PRKD1: variants seen among roughly 807,000 people sequenced by gnomAD.
The protein encoded by PRKD1 is protein kinase D1, also known as serine/threonine-protein kinase D1.
PRKD1 carries 63 observed loss-of-function variants against 95.9 expected under a neutral mutation model. The ratio of observed to expected loss-of-function variants is 0.66; its 90% CI spans 0.54 to 0.81. PRKD1 has a LOEUF of 0.81. Among genes scored for constraint, PRKD1 ranks in the 30% least tolerant of loss-of-function variants. PRKD1 has a pLI of 0.00. For synonymous variants in PRKD1, 425 were observed against 423.1 expected, an observed-to-expected ratio of 1.00 and a Z score of -0.05; for missense variants, 1,048 against 1,165.3, an observed-to-expected ratio of 0.90 and a Z score of 1.47.
At chr14:29,692,561 A>T (rs915232227) in intron 2 of PRKD1, among the ~76,000 whole-genome samples, 13 of 152,084 alleles carry the variant, frequency 8.5e-5, no homozygotes, top group African/African-American at 3.1e-4. Flanking sequence ...CAGAAAGAGG[A>T]ATGTAAAACT....
chr14:29,722,635 G>C (rs1178323507), intron 2 of PRKD1, among the ~76,000 whole-genome samples: 1 of 152,136 alleles, frequency 6.6e-6, no homozygotes, highest in Admixed American at 6.5e-5. Flanking sequence ...ATAACAAAAG[G>C]ATGAGGTGGG....
intron 1 of PRKD1, among the ~76,000 whole-genome samples, chr14:29,726,337 T>C (rs1886140177): frequency 6.6e-6 from 1 of 152,152 alleles, no homozygotes; most frequent in Non-Finnish European, 1.5e-5. Flanking sequence ...ATGGAGGGTT[T>C]CTGTTAAAGC....
intron 1 of PRKD1, among the ~76,000 whole-genome samples, chr14:29,818,048 AT>A (rs1254871553): frequency 1.3e-5 from 2 of 152,216 alleles, no homozygotes; most frequent in Non-Finnish European, 2.9e-5. Context: ...ATTTGACAGT[AT>A]TTCTTCTACC....
chr14:29,785,991 GTTCT>G (rs1889258319), intron 1 of PRKD1, among the ~76,000 whole-genome samples: 1 of 150,392 alleles, frequency 6.6e-6, no homozygotes, highest in South Asian at 2.1e-4. Flanking sequence ...TGTCATATTT[GTTCT>G]TTATTATGTT....
intron 13 of PRKD1, among the ~76,000 whole-genome samples, chr14:29,609,570 T>G (rs1246319901): frequency 6.6e-6 from 1 of 150,612 alleles, no homozygotes; most frequent in Non-Finnish European, 1.5e-5. Context: ...AGACAGAGTC[T>G]TGCTCTGTCA....
chr14:29,709,137 G>A (rs1167149622), intron 2 of PRKD1, among the ~76,000 whole-genome samples: 1 of 152,000 alleles, frequency 6.6e-6, no homozygotes, highest in Non-Finnish European at 1.5e-5. Context: ...GATTAGTTAT[G>A]GAATAAAGTT....
At chr14:29,665,071 G>C (rs980421402) in intron 3 of PRKD1, among the ~76,000 whole-genome samples, 1 of 152,088 alleles carries the variant, frequency 6.6e-6, no homozygotes, top group African/African-American at 2.4e-5. Flanking sequence ...GGGTTCCCAG[G>C]TCAGACCAAC....
chr14:29,596,548 G>A (rs550344255), intron 16 of PRKD1, among the ~76,000 whole-genome samples: 1 of 152,202 alleles, frequency 6.6e-6, no homozygotes, highest in African/African-American at 2.4e-5. Context: ...GCACCTCCCT[G>A]GTTCAAGCGC....
Position 29,680,486 on chromosome 14 carries a change from T to C in PRKD1, c.404-14278A>G, listed in dbSNP as rs537737357. On this transcript the variant is annotated intron_variant, in intron 2 of 17. Coordinates refer to ENST00000331968, the MANE Select transcript of PRKD1 (RefSeq NM_002742.3). ...AGAAAGAAAAAAACCTACAACGCAC[T>C]ATTATGAAGTACAGAAAGGCAAATA... is the stretch of plus-strand genomic sequence containing the variant. 7.6e-4 allele frequency among the ~76,000 whole-genome samples: 116 copies of C among 152,306 alleles called. 1 individual carries two copies. The South Asian group carries it at 0.024, about 31-fold the overall frequency.
intron 2 of PRKD1, among the ~76,000 whole-genome samples, chr14:29,703,076 G>T (rs1286474798): frequency 6.6e-6 from 1 of 152,042 alleles, no homozygotes; most frequent in Non-Finnish European, 1.5e-5. Context: ...TCAAATCTGT[G>T]ATTTTTTTTC....
chr14:29,927,573 A>G lies in PRKD1; in HGVS notation c.-61T>C, dbSNP rs1299333147. ...GGGGGCTGGCGGCGCGGCAGCAGGA[A>G]AGTTTTGCAGCCGCTGAGCCAGGAG... On this transcript the variant is annotated 5_prime_UTR_variant, in exon 1 of 18. Coordinates refer to ENST00000331968, the MANE Select transcript of PRKD1 (RefSeq NM_002742.3). The G allele has an allele frequency of 4.5e-6, 5 of 1,102,384 alleles. No individual in the cohort carries two copies. In the African/African-American group the frequency reaches 8.3e-5, roughly 18 times the overall value. 68.3% of individuals were successfully genotyped at this position (1,102,384 alleles called of 1,614,324 possible). A position where few individuals can be genotyped will look rare whatever the true frequency, so the allele number is the denominator to read the frequency against.
intron 1 of PRKD1, among the ~76,000 whole-genome samples, chr14:29,765,139 A>T (rs1408312444): frequency 6.6e-6 from 1 of 152,124 alleles, no homozygotes; most frequent in African/African-American, 2.4e-5. Context: ...TCATTCTAGA[A>T]CTCAACTAAA....
intron 2 of PRKD1, among the ~76,000 whole-genome samples, chr14:29,716,490 T>A (rs1885616625): frequency 6.6e-6 from 1 of 151,902 alleles, no homozygotes; most frequent in African/African-American, 2.4e-5. Flanking sequence ...GCAGGAGAGG[T>A]CAGCCAGACC....
At chr14:29,815,375 C>T (rs557698185) in intron 1 of PRKD1, among the ~76,000 whole-genome samples, 16 of 152,226 alleles carry the variant, frequency 1.1e-4, no homozygotes, top group South Asian at 4.2e-4. Context: ...CCATTCCAGA[C>T]GATCAAAATG....
chr14:29,746,743 G>A (rs1887240769), intron 1 of PRKD1, among the ~76,000 whole-genome samples: 2 of 152,012 alleles, frequency 1.3e-5, no homozygotes, highest in South Asian at 4.1e-4. Flanking sequence ...TTCAGTGAAC[G>A]AATTTTCATT....
At chr14:29,652,346 C>G (rs935305426) in intron 4 of PRKD1, among the ~76,000 whole-genome samples, 4 of 152,136 alleles carry the variant, frequency 2.6e-5, no homozygotes, top group African/African-American at 7.2e-5. Flanking sequence ...GCCACCCCCT[C>G]CCAGCAGGGT....
At chr14:29,635,522 C>G (rs1473400412) in intron 7 of PRKD1, among the ~76,000 whole-genome samples, 1 of 152,118 alleles carries the variant, frequency 6.6e-6, no homozygotes, top group Non-Finnish European at 1.5e-5. Flanking sequence ...CTCTCATGAA[C>G]AATTTGTTTG....
intron 1 of PRKD1, among the ~76,000 whole-genome samples, chr14:29,883,490 T>C (rs1296352597): frequency 6.6e-6 from 1 of 152,224 alleles, no homozygotes; most frequent in Non-Finnish European, 1.5e-5. Context: ...ATTTTATCTT[T>C]GTGACTAACA....
At chr14:29,889,289 G>T (rs530200722) in intron 1 of PRKD1, among the ~76,000 whole-genome samples, 2 of 152,258 alleles carry the variant, frequency 1.3e-5, no homozygotes, top group East Asian at 3.9e-4. Context: ...AACAGCTCTG[G>T]TCTACAGTTC....
Sources: allele counts gnomAD v4.1 joint callset (sites outside exome capture counted in the v4.1 genomes callset), GRCh38; gene constraint gnomAD v4.1.1; transcripts MANE v1.5; gene names NCBI Gene and HGNC (gene_info 2026-07-23, HGNC 2026-07-21).